HEATR1: variants seen among roughly 807,000 people sequenced by gnomAD.
HEATR1 encodes the protein HEAT repeat-containing protein 1.
Under a neutral mutation model 248.2 loss-of-function variants are expected in HEATR1, and 77 were observed. The observed-to-expected ratio is 0.31, with a 90% CI of 0.26 to 0.37. The LOEUF (loss-of-function observed/expected upper bound fraction) is 0.37, where lower values mean the gene tolerates loss of function less well. HEATR1 is among the 10% of genes least tolerant of loss of function. HEATR1 has a pLI of 1.00. For missense variants in HEATR1, 2,420 were observed against 2,504.9 expected, an observed-to-expected ratio of 0.97 and a Z score of 0.72; for synonymous variants, 897 against 923.1, an observed-to-expected ratio of 0.97 and a Z score of 0.51.
chr1:236,596,911 G>A lies in HEATR1; in HGVS notation c.669C>T (p.Thr223=). ...CTGCAGCTACCAGCGCCGACACTAT[G>A]GTAGAAGCATAGAAAGCCAAGAGCA... ...LRVLLAFYAS[T]IVSALVAAED... is the part of the protein sequence containing the mutation. The change falls in exon 6 of 45, where the codon ACC becomes ACT. Residue 223 remains threonine (T), a synonymous_variant. Transcript: ENST00000366582. 1 of 1,614,080 alleles carries A rather than the reference G, an allele frequency of 6.2e-7. No homozygotes were observed. The highest frequency in any genetic ancestry group is 8.5e-7 in the Non-Finnish European group (1 of 1,179,972).
At chr1:236,556,875 A>G (rs1289287666) in intron 37 of HEATR1, among the ~76,000 whole-genome samples, 3 of 152,324 alleles carry the variant, frequency 2.0e-5, no homozygotes, top group Admixed American at 2.0e-4. Flanking sequence ...ATCAATTTCC[A>G]CAAGTAATAA....
chr1:236,561,336 A>T, intron 32 of HEATR1, 65 bp from the exon 33 acceptor site: 1 of 1,288,948 alleles, frequency 7.8e-7, no homozygotes, highest in Non-Finnish European at 1.1e-6. Context: ...ATTTCAAGTC[A>T]GTTCAATGAA....
rs1333557308 is a variant in HEATR1, at chr1:236,599,510, G to A, written c.474C>T (p.His158=). 2.5e-6 allele frequency: 4 copies of A among 1,613,514 alleles called. No homozygotes were observed. The highest frequency in any genetic ancestry group is 2.7e-5 in the African/African-American group (2 of 74,874). ...IQLLKINNSK[H]RWFWLLPVKQ... ...TAACTGGCAACAACCAGAACCATCT[G>A]TGCTTTGAATTATTAATTTTTAGAA... is the stretch of plus-strand genomic sequence containing the variant. Residue 158 remains histidine (H), a synonymous_variant, in exon 4 of 45, where the codon CAC becomes CAT. Transcript: ENST00000366582.
At chr1:236,594,797 AATTATT>A (rs149235268) in intron 8 of HEATR1, among the ~76,000 whole-genome samples, 2 of 151,986 alleles carry the variant, frequency 1.3e-5, no homozygotes, top group Middle Eastern at 3.4e-3. Context: ...ATCACTTTCT[AATTATT>A]ATTATTATTT....
intron 32 of HEATR1, among the ~76,000 whole-genome samples, chr1:236,563,017 C>T (rs909168913): frequency 5.9e-5 from 9 of 152,218 alleles, no homozygotes; most frequent in African/African-American, 1.7e-4. Flanking sequence ...ATAGTGTCTA[C>T]ACTGATCTCT....
chr1:236,599,917 G>C lies in HEATR1; in HGVS notation c.360-293C>G, dbSNP rs765714629. On this transcript the variant is annotated intron_variant, in intron 3 of 44. Transcript: ENST00000366582. Reference sequence around the variant, plus strand: ...CAATTTTTATTTAATTTTTTGAATAGAGTCTTGCTCTGCCACTCAGGCTGG... The same window carrying C: ...CAATTTTTATTTAATTTTTTGAATACAGTCTTGCTCTGCCACTCAGGCTGG... 1.3e-5 allele frequency among the ~76,000 whole-genome samples: 2 copies of C among 151,898 alleles called. 1 individual carries two copies. The highest frequency in any genetic ancestry group is 4.1e-4 in the South Asian group (2 of 4,820).
chr1:236,566,427 G>A (rs543643081), intron 30 of HEATR1, among the ~76,000 whole-genome samples: 8 of 77,702 alleles, frequency 1.0e-4, no homozygotes, highest in Middle Eastern at 6.1e-3. Flanking sequence ...AAGTTAATTC[G>A]CCTTCAGATG....
At chr1:236,580,950 G>C (rs1679426532) in intron 20 of HEATR1, among the ~76,000 whole-genome samples, 1 of 150,456 alleles carries the variant, frequency 6.6e-6, no homozygotes, top group Non-Finnish European at 1.5e-5. Flanking sequence ...CTCCCAAGTA[G>C]CTGGGATTAC....
intron 20 of HEATR1, among the ~76,000 whole-genome samples, chr1:236,580,281 T>G (rs1376635572): frequency 1.3e-5 from 2 of 152,206 alleles, no homozygotes; most frequent in East Asian, 3.8e-4. Context: ...ATAAAAGAGA[T>G]AAATGCAGGA....
At position 236,558,260 on chromosome 1, in the gene HEATR1, C is replaced by A. The variant is rs112181778; in HGVS notation, c.5181G>T (p.Ala1727=). Reference sequence around the variant, plus strand: ...ACCTGGGAAGCTGGGGGATGGCCAGCGCCTCCAGGGTGGAGGTCACCTCTG... The same window carrying A: ...ACCTGGGAAGCTGGGGGATGGCCAGAGCCTCCAGGGTGGAGGTCACCTCTG... The part of the protein sequence containing the change: ...CIAEVTSTLE[A]LAIPQLPSLM... Residue 1727 remains alanine (A), a synonymous_variant, in exon 36 of 45, where the codon GCG becomes GCT. Transcript: ENST00000366582. 1 of 1,612,622 alleles carries A rather than the reference C, an allele frequency of 6.2e-7. No homozygotes were observed. The highest frequency in any genetic ancestry group is 2.2e-5 in the East Asian group (1 of 44,878).
At chr1:236,591,514 T>C (rs987380863) in intron 11 of HEATR1, among the ~76,000 whole-genome samples, 7 of 152,208 alleles carry the variant, frequency 4.6e-5, no homozygotes, top group Non-Finnish European at 8.8e-5. Flanking sequence ...TAAGAACTCC[T>C]GCTTAAATGT....
chr1:236,594,308 C>G (rs1365449863), intron 8 of HEATR1, among the ~76,000 whole-genome samples, 194 bp from the exon 9 acceptor site: 4 of 152,082 alleles, frequency 2.6e-5, no homozygotes, highest in Admixed American at 1.3e-4. Context: ...TATAGATCAC[C>G]TTCATTTTTC....
At chr1:236,597,026 G>T (rs1474683472) in intron 5 of HEATR1, 50 bp from the exon 6 acceptor site, 3 of 1,572,558 alleles carry the variant, frequency 1.9e-6, no homozygotes, top group Non-Finnish European at 2.6e-6. Flanking sequence ...AAGGGAGGTA[G>T]AAGGATTGCT....
chr1:236,604,274 G>A (rs189550298), intron 1 of HEATR1, 147 bp from the exon 2 acceptor site: 5 of 564,424 alleles, frequency 8.9e-6, no homozygotes, highest in Admixed American at 4.3e-5. Flanking sequence ...AAAGACGATG[G>A]CAGCAGCGTT....
At chr1:236,572,698 T>A (rs1201967769) in intron 25 of HEATR1, 27 bp downstream of exon 25, 2 of 1,604,602 alleles carry the variant, frequency 1.2e-6, no homozygotes, top group Non-Finnish European at 1.7e-6. Context: ...AACAACAGCA[T>A]GTGCTCAATG....
At chr1:236,559,968 C>T (rs1663084690) in intron 33 of HEATR1, 131 bp from the exon 34 acceptor site, 1 of 961,202 alleles carries the variant, frequency 1.0e-6, no homozygotes, top group South Asian at 2.3e-5. Flanking sequence ...ATTTCAAAAA[C>T]TACTCGGAAA....
chr1:236,576,116 C>T (rs2115740), intron 22 of HEATR1, 103 bp downstream of exon 22: 543,200 of 796,884 alleles, frequency 0.68, 188,504 homozygotes, highest in Non-Finnish European at 0.72. Context: ...CTCTTCTGAG[C>T]GCACACATGC....
At position 236,595,914 on chromosome 1, in the gene HEATR1, T is replaced by C. The variant is rs773442079; in HGVS notation, c.875A>G (p.Lys292Arg). Residue 292 changes from lysine (K) to arginine (R), a missense_variant, in exon 7 of 45, where the codon AAG becomes AGG. Lys to Arg is a conservative substitution (Grantham distance 26). Transcript: ENST00000366582. ...CCCATCCTTGATCAAAGAGGGAATCTTGGTCAATGTTTTGATGATCTGTGA... is the reference window on the plus strand; with the variant it reads ...CCCATCCTTGATCAAAGAGGGAATCCTGGTCAATGTTTTGATGATCTGTGA... The part of the protein sequence containing the change: ...LASQIIKTLT[K>R]IPSLIKDGLS... 5 of 1,614,088 alleles carry C rather than the reference T, an allele frequency of 3.1e-6. No individual in the cohort carries two copies. Among genetic ancestry groups the C allele is most frequent in the Admixed American group, 3.3e-5 (2 of 60,018 alleles).
intron 3 of HEATR1, 45 bp downstream of exon 3, chr1:236,603,115 C>A (rs907575939): frequency 6.8e-7 from 1 of 1,468,420 alleles, no homozygotes; most frequent in African/African-American, 1.4e-5. Context: ...TTTTACAAGA[C>A]CAAAGTGATT....
Sources: gnomAD v4.1 joint callset for allele counts (sites outside exome capture counted in the v4.1 genomes callset) on GRCh38, gnomAD v4.1.1 for gene constraint, MANE v1.5 for transcripts, NCBI Gene and HGNC (gene_info 2026-07-23, HGNC 2026-07-21) for gene names.